Variants in SPAG11A observed in about 807,000 individuals in gnomAD.
The protein encoded by SPAG11A is sperm-associated antigen 11A.
In SPAG11A, 2 loss-of-function variants were observed where a neutral mutation model predicts 5.5. That is an observed-to-expected ratio of 0.37 (90% CI 0.15 to 1.15). The LOEUF (loss-of-function observed/expected upper bound fraction) is 1.15, where lower values mean the gene tolerates loss of function less well. Among genes scored for constraint, SPAG11A ranks in the 50% most tolerant of loss-of-function variants. SPAG11A has a pLI of 0.38. For missense variants in SPAG11A, 24 were observed against 122.5 expected, an observed-to-expected ratio of 0.20 and a Z score of 3.80; for synonymous variants, 11 against 42.7, an observed-to-expected ratio of 0.26 and a Z score of 2.90.
At chr8:7,861,423 A>G (rs926620432), downstream of SPAG11A, among the ~76,000 whole-genome samples, 7 of 146,978 alleles carry the variant, frequency 4.8e-5, no homozygotes, top group Non-Finnish European at 3.0e-5. Context: ...GGTGAAGCAC[A>G]TTTCCCCCAG....
At chr8:7,857,494 T>C (rs1427337402) in intron 2 of SPAG11A, among the ~76,000 whole-genome samples, 29 of 72,840 alleles carry the variant, frequency 4.0e-4, no homozygotes, top group African/African-American at 1.0e-3. Flanking sequence ...TCAGAACAAA[T>C]GCTCCACAGA....
rs1818081541 is a variant in SPAG11A, at chr8:7,857,666, C to G, written c.215-2980C>G. Reference sequence around the variant, plus strand: ...GAGGGTCAAAAGCAGCTTGGAGTGCCCAATTTTCCCTAAAGTCTTAACTTC... The same window carrying G: ...GAGGGTCAAAAGCAGCTTGGAGTGCGCAATTTTCCCTAAAGTCTTAACTTC... On this transcript the variant is annotated intron_variant, in intron 2 of 2. Transcript: ENST00000642566. 2.3e-5 allele frequency among the ~76,000 whole-genome samples: 2 copies of G among 87,848 alleles called. 1 individual carries two copies. The highest frequency in any genetic ancestry group is 5.8e-5 in the Non-Finnish European group (2 of 34,662). 57.6% of individuals were successfully genotyped at this position (87,848 alleles called of 152,430 possible). A position where few individuals can be genotyped will look rare whatever the true frequency, so the allele number is the denominator to read the frequency against.
At chr8:7,861,320 C>T (rs1290572801), downstream of SPAG11A, among the ~76,000 whole-genome samples, 1 of 144,452 alleles carries the variant, frequency 6.9e-6, no homozygotes, top group East Asian at 2.1e-4. Context: ...TACTCTTAGG[C>T]TATTTCAATT....
At chr8:7,852,375 G>A (rs1334428543) in intron 2 of SPAG11A, among the ~76,000 whole-genome samples, 1 of 152,156 alleles carries the variant, frequency 6.6e-6, no homozygotes. Flanking sequence ...GTGCAATGGT[G>A]CGATTTTGGC....
At chr8:7,857,184 G>GA (rs1342259091) in intron 2 of SPAG11A, among the ~76,000 whole-genome samples, 10 of 119,034 alleles carry the variant, frequency 8.4e-5, no homozygotes, top group Non-Finnish European at 1.3e-4. Flanking sequence ...TAGAAAGAAT[G>GA]AATGTAAAGT....
Position 7,851,962 on chromosome 8 carries a change from T to C in SPAG11A, c.214+3119T>C, listed in dbSNP as rs1353824127. Among the ~76,000 whole-genome samples the C allele has an allele frequency of 1.5e-4, 17 of 116,148 alleles. 1 individual carries two copies. Among genetic ancestry groups the C allele is most frequent in the Non-Finnish European group, 2.6e-4 (14 of 53,138 alleles). The allele number at this position is 116,148 out of a possible 152,430, so 76.2% of individuals were successfully genotyped here. ...TCAGGGAGAAGCTAGGAGTTGGGAC[T>C]TCCTTACCAATTAATTGTAAGGTGT... is the stretch of plus-strand genomic sequence containing the variant. On this transcript the variant is annotated intron_variant, in intron 2 of 2. Transcript: ENST00000642566.
downstream of SPAG11A, among the ~76,000 whole-genome samples, chr8:7,863,275 G>C (rs369669004): frequency 0.24 from 12,547 of 53,078 alleles, 122 homozygotes; most frequent in Middle Eastern, 0.45. Flanking sequence ...CTGGGCACTG[G>C]GCTAAGGACA....
chr8:7,852,438 T>C (rs1439528612), intron 2 of SPAG11A, among the ~76,000 whole-genome samples: 5 of 152,196 alleles, frequency 3.3e-5, no homozygotes, highest in Admixed American at 3.3e-4. Flanking sequence ...GTTCAAGCAA[T>C]TCTCCTGCCT....
At chr8:7,860,109 A>G (rs1404595600) in intron 2 of SPAG11A, among the ~76,000 whole-genome samples, 1,836 of 146,350 alleles carry the variant, frequency 0.013, 2 homozygotes, top group Non-Finnish European at 0.022. Flanking sequence ...CTTTCTTTCA[A>G]CCATCTCTTG....
At chr8:7,863,212 G>GGTTTT (rs1264249027), downstream of SPAG11A, among the ~76,000 whole-genome samples, 2 of 9,394 alleles carry the variant, frequency 2.1e-4, no homozygotes, top group Non-Finnish European at 4.6e-4. Context: ...CTGCAGATGG[G>GGTTTT]ATTTTTTTTT....
chr8:7,859,655 TG>T (rs1818126334), intron 2 of SPAG11A, among the ~76,000 whole-genome samples: 1 of 36,014 alleles, frequency 2.8e-5, no homozygotes, highest in Admixed American at 3.9e-4. Context: ...CCAGAGAAAG[TG>T]TTAATTTACC....
chr8:7,860,237 A>T (rs1177856546), intron 2 of SPAG11A: 1 of 1,012,788 alleles, frequency 9.9e-7, no homozygotes, highest in African/African-American at 1.6e-5. Flanking sequence ...AAAACTAAAA[A>T]TTGGGCCATA....
At position 7,860,560 on chromosome 8, in the gene SPAG11A, T is replaced by C; in HGVS notation, c.215-86T>C. Reference sequence around the variant, plus strand: ...AAAAATACTTAGCCTTGTCAGAATATATAACCCTTGGCAGTGGGCTGGGTT... The same window carrying C: ...AAAAATACTTAGCCTTGTCAGAATACATAACCCTTGGCAGTGGGCTGGGTT... On this transcript the variant is annotated intron_variant, in intron 2 of 2. Transcript: ENST00000642566. The C allele has an allele frequency of 2.2e-6, 3 of 1,377,046 alleles. 1 individual carries two copies. The highest frequency in any genetic ancestry group is 2.9e-6 in the Non-Finnish European group (3 of 1,026,734). The allele number at this position is 1,377,046 out of a possible 1,614,324, so 85.3% of individuals were successfully genotyped here. A position where few individuals can be genotyped will look rare whatever the true frequency, so the allele number is the denominator to read the frequency against.
chr8:7,854,391 C>T lies in SPAG11A; in HGVS notation c.214+5548C>T, dbSNP rs1818011125. On this transcript the variant is annotated intron_variant, in intron 2 of 2. Coordinates refer to ENST00000642566, the Ensembl canonical transcript of SPAG11A. ...TTAACATAAGAAAGCACTTCCTGGG[C>T]AGTAAGATGATAAGACTCCTTGTTT... Among the ~76,000 whole-genome samples the T allele has an allele frequency of 3.4e-5, 3 of 87,842 alleles. 1 individual carries two copies. The highest frequency in any genetic ancestry group is 8.5e-5 in the Non-Finnish European group (3 of 35,502). 57.6% of individuals were successfully genotyped at this position (87,842 alleles called of 152,430 possible).
At chr8:7,862,974 G>A (rs563952936), downstream of SPAG11A, among the ~76,000 whole-genome samples, 3 of 64,462 alleles carry the variant, frequency 4.7e-5, no homozygotes, top group South Asian at 2.0e-3. Context: ...CCCCAAAACT[G>A]GGGCTTACTT....
Position 7,860,264 on chromosome 8 carries a change from A to G in SPAG11A, c.215-382A>G, listed in dbSNP as rs1818159418. The G allele has an allele frequency of 4.5e-6, 6 of 1,320,618 alleles. No homozygotes were observed. In the South Asian group the frequency reaches 1.0e-4, roughly 22 times the overall value. The allele number at this position is 1,320,618 out of a possible 1,614,324, so 81.8% of individuals were successfully genotyped here. On this transcript the variant is annotated intron_variant, in intron 2 of 2. Transcript: ENST00000642566. ...TGGGCCATAAGTTGAGAATGGGTTAATACCTCTAATTTCCTTAGAGACCAA... is the reference window on the plus strand; with the variant it reads ...TGGGCCATAAGTTGAGAATGGGTTAGTACCTCTAATTTCCTTAGAGACCAA...
intron 2 of SPAG11A, chr8:7,860,257 T>A: frequency 8.1e-7 from 1 of 1,238,558 alleles, no homozygotes; most frequent in Non-Finnish European, 1.1e-6. Flanking sequence ...AAGTTGAGAA[T>A]GGGTTAATAC....
Position 7,860,551 on chromosome 8 carries a change from G to A in SPAG11A, c.215-95G>A, listed in dbSNP as rs1818174699. 2.9e-6 allele frequency: 4 copies of A among 1,365,938 alleles called. 1 individual carries two copies. Among genetic ancestry groups the A allele is most frequent in the Admixed American group, 4.2e-5 (2 of 47,728 alleles). 84.6% of individuals were successfully genotyped at this position (1,365,938 alleles called of 1,614,324 possible). On this transcript the variant is annotated intron_variant, in intron 2 of 2. Transcript: ENST00000642566. ...GGCTTGTCCAAAAATACTTAGCCTT[G>A]TCAGAATATATAACCCTTGGCAGTG...
rs2128928761 is a variant in SPAG11A at position 7,860,488 on chromosome 8, T to C, written c.215-158T>C. On this transcript the variant is annotated intron_variant, in intron 2 of 2. Coordinates refer to ENST00000642566, the Ensembl canonical transcript of SPAG11A. ...CATTTCAGATATAAATTATCGTTCCTGTTTTAAAGCTAAGAGGCCAAAGTT... is the reference window on the plus strand; with the variant it reads ...CATTTCAGATATAAATTATCGTTCCCGTTTTAAAGCTAAGAGGCCAAAGTT... 1.4e-6 allele frequency: 2 copies of C among 1,387,544 alleles called. 1 individual carries two copies. The highest frequency in any genetic ancestry group is 1.9e-6 in the Non-Finnish European group (2 of 1,036,582). The allele number at this position is 1,387,544 out of a possible 1,614,324, so 86.0% of individuals were successfully genotyped here.
Sources: allele counts gnomAD v4.1 joint callset (sites outside exome capture counted in the v4.1 genomes callset), GRCh38; gene constraint gnomAD v4.1.1; transcripts MANE v1.5; gene names NCBI Gene and HGNC (gene_info 2026-07-23, HGNC 2026-07-21).